BMAL2: variants seen among roughly 807,000 people sequenced by gnomAD.
BMAL2 encodes the protein basic helix-loop-helix ARNT like 2.
chr12:27,420,711 C>A, the BMAL2 span: 1 of 654,062 alleles, frequency 1.5e-6, no homozygotes, highest in Non-Finnish European at 2.3e-6. Context: ...GTTTTCCTCC[C>A]AAGAGAACCA....
the BMAL2 span, among the ~76,000 whole-genome samples, chr12:27,347,906 A>T: frequency 6.6e-6 from 1 of 152,206 alleles, no homozygotes; most frequent in African/African-American, 2.4e-5. Flanking sequence ...GCTCTAAAAT[A>T]TATGTACTGT....
At chr12:27,418,128 TGGG>T in the BMAL2 span, 1 of 1,613,196 alleles carries the variant, frequency 6.2e-7, no homozygotes. Flanking sequence ...CCTTCTGAAA[TGGG>T]GGAGCTAGAG....
chr12:27,389,949 C>A, the BMAL2 span: 1 of 819,088 alleles, frequency 1.2e-6, no homozygotes, highest in Non-Finnish European at 1.8e-6. Context: ...TATTTCACTT[C>A]AGGGTTTACT....
chr12:27,370,179 T>G, the BMAL2 span: 2 of 1,614,096 alleles, frequency 1.2e-6, no homozygotes, highest in South Asian at 2.2e-5. Flanking sequence ...CAGAATCCCC[T>G]TACCTATCTT....
chr12:27,339,757 TG>T, the BMAL2 span, among the ~76,000 whole-genome samples: 1 of 152,106 alleles, frequency 6.6e-6, no homozygotes, highest in African/African-American at 2.4e-5. Flanking sequence ...CCCCAGCAGC[TG>T]GAACTACAGG....
the BMAL2 span, among the ~76,000 whole-genome samples, chr12:27,384,969 C>T: frequency 6.6e-6 from 1 of 151,912 alleles, no homozygotes; most frequent in African/African-American, 2.4e-5. Context: ...TAAGTAGTTC[C>T]AAGAATTCAC....
At chr12:27,388,101 A>ACG in the BMAL2 span, among the ~76,000 whole-genome samples, 6,054 of 151,156 alleles carry the variant, frequency 0.04, 145 homozygotes, top group Middle Eastern at 0.072. Context: ...ACACACATGC[A>ACG]CGCACACACA....
chr12:27,415,794 A>G, the BMAL2 span: 6 of 968,236 alleles, frequency 6.2e-6, no homozygotes, highest in Non-Finnish European at 9.5e-6. Context: ...TTAGTAGATT[A>G]TTATGTATTT....
chr12:27,403,303 C>A, the BMAL2 span: 1 of 649,660 alleles, frequency 1.5e-6, no homozygotes, highest in Admixed American at 2.9e-5. Flanking sequence ...ATATGTAATG[C>A]AAGGATGAGT....
chr12:27,360,257 A>C, the BMAL2 span, among the ~76,000 whole-genome samples: 16 of 152,132 alleles, frequency 1.1e-4, no homozygotes, highest in Admixed American at 1.0e-3. Flanking sequence ...GTCTCAAGAA[A>C]GACAAAAGAA....
the BMAL2 span, among the ~76,000 whole-genome samples, chr12:27,397,192 T>C: frequency 1.3e-5 from 2 of 152,180 alleles, no homozygotes; most frequent in African/African-American, 4.8e-5. Context: ...TGCTTCAGCC[T>C]CCCAAGTAAC....
the BMAL2 span, chr12:27,422,465 A>G: frequency 6.6e-6 from 1 of 152,230 alleles, no homozygotes; most frequent in Non-Finnish European, 1.5e-5. Flanking sequence ...AACCAAAAGC[A>G]AATGTTTCCT....
the BMAL2 span, among the ~76,000 whole-genome samples, chr12:27,341,524 C>T: frequency 6.6e-6 from 1 of 152,174 alleles, no homozygotes; most frequent in East Asian, 1.9e-4. Flanking sequence ...AGCGCAGCTA[C>T]TTATCTCTTT....
chr12:27,382,516 G>A, the BMAL2 span, among the ~76,000 whole-genome samples: 1 of 152,200 alleles, frequency 6.6e-6, no homozygotes, highest in Admixed American at 6.5e-5. Flanking sequence ...TGAGTCCAGA[G>A]GAGATTCCTT....
chr12:27,372,162 T>A, the BMAL2 span, among the ~76,000 whole-genome samples: 1 of 139,208 alleles, frequency 7.2e-6, no homozygotes, highest in Non-Finnish European at 1.5e-5. Context: ...ACCTAGGAAG[T>A]GGAGGTTGCA....
the BMAL2 span, among the ~76,000 whole-genome samples, chr12:27,377,690 A>G: frequency 6.6e-6 from 1 of 152,222 alleles, no homozygotes; most frequent in Non-Finnish European, 1.5e-5. Flanking sequence ...GCAGTGAGCT[A>G]TGATCATACA....
chr12:27,413,218 G>C, the BMAL2 span, among the ~76,000 whole-genome samples: 1 of 152,098 alleles, frequency 6.6e-6, no homozygotes, highest in Non-Finnish European at 1.5e-5. Context: ...TAAGAATATA[G>C]TCAAATTCAA....
chr12:27,361,477 C>T, the BMAL2 span, among the ~76,000 whole-genome samples: 11 of 152,266 alleles, frequency 7.2e-5, 1 homozygote, highest in African/African-American at 1.7e-4. Context: ...ACACATATTA[C>T]ATTCACCACT....
chr12:27,413,067 A>G, the BMAL2 span, among the ~76,000 whole-genome samples: 12 of 152,214 alleles, frequency 7.9e-5, no homozygotes, highest in Non-Finnish European at 1.5e-4. Context: ...TGTAAGGTAG[A>G]TAAGGACTTT....
Sources: allele counts gnomAD v4.1 joint callset (sites outside exome capture counted in the v4.1 genomes callset), GRCh38; gene constraint gnomAD v4.1.1; transcripts MANE v1.5; gene names NCBI Gene and HGNC (gene_info 2026-07-23, HGNC 2026-07-21).